SLC4A4: variants seen among roughly 807,000 people sequenced by gnomAD.
SLC4A4 encodes solute carrier family 4 member 4, also known as electrogenic sodium bicarbonate cotransporter 1.
Under a neutral mutation model 111.5 loss-of-function variants are expected in SLC4A4, and 27 were observed. That is an observed-to-expected ratio of 0.24 (90% confidence interval 0.18 to 0.33). The LOEUF (loss-of-function observed/expected upper bound fraction) is 0.33. Among genes scored for constraint, SLC4A4 ranks in the 10% least tolerant of loss-of-function variants. The pLI, the probability that SLC4A4 is intolerant of heterozygous loss-of-function variation, is 1.00. For synonymous variants in SLC4A4, 443 were observed against 463.4 expected, an observed-to-expected ratio of 0.96 and a Z score of 0.57; for missense variants, 909 against 1,315.5, an observed-to-expected ratio of 0.69 and a Z score of 4.78.
At chr4:71,152,948 T>C (rs948690762) in intron 2 of SLC4A4, among the ~76,000 whole-genome samples, 3 of 147,734 alleles carry the variant, frequency 2.0e-5, no homozygotes, top group African/African-American at 2.5e-5. Flanking sequence ...ATATATCCTA[T>C]ATATATGTGT....
chr4:71,463,507 G>C (rs1446651506), intron 12 of SLC4A4, among the ~76,000 whole-genome samples: 1 of 152,170 alleles, frequency 6.6e-6, no homozygotes, highest in African/African-American at 2.4e-5. Context: ...TTCCAGTGCA[G>C]TGTGTATAAT....
At chr4:71,230,918 G>A (rs930306624) in intron 1 of SLC4A4, among the ~76,000 whole-genome samples, 13 of 152,330 alleles carry the variant, frequency 8.5e-5, no homozygotes, top group African/African-American at 2.9e-4. Context: ...CTGCAATCCT[G>A]GGTGGCAGGG....
At chr4:71,379,005 C>G (rs1717820835) in intron 6 of SLC4A4, among the ~76,000 whole-genome samples, 1 of 152,148 alleles carries the variant, frequency 6.6e-6, no homozygotes, top group Non-Finnish European at 1.5e-5. Context: ...CCCACCCTTC[C>G]TTGACTATTA....
intron 18 of SLC4A4, among the ~76,000 whole-genome samples, chr4:71,541,413 A>G (rs1373054453): frequency 6.6e-6 from 1 of 152,122 alleles, no homozygotes; most frequent in Non-Finnish European, 1.5e-5. Context: ...CACTGAAAGG[A>G]GAGAATGGCT....
chr4:71,368,583 T>A (rs1471983969), intron 6 of SLC4A4, among the ~76,000 whole-genome samples: 1 of 152,194 alleles, frequency 6.6e-6, no homozygotes, highest in Admixed American at 6.5e-5. Flanking sequence ...GAGTAGGTCA[T>A]AAGAAAGCTG....
At chr4:71,220,798 C>G (rs568928351) in intron 1 of SLC4A4, among the ~76,000 whole-genome samples, 2 of 151,916 alleles carry the variant, frequency 1.3e-5, no homozygotes, top group African/African-American at 4.8e-5. Context: ...GTTTGTTGCA[C>G]GTATTATTTC....
intron 15 of SLC4A4, among the ~76,000 whole-genome samples, chr4:71,489,443 G>A (rs1386641894): frequency 1.3e-5 from 2 of 148,172 alleles, no homozygotes; most frequent in African/African-American, 5.1e-5. Context: ...CTGCAACATC[G>A]GGATGGTAAT....
chr4:71,342,271 C>A lies in SLC4A4; in HGVS notation c.389+2766C>A, dbSNP rs1327191774. ...TAAAGTAAAATTTTAGTTCCTAAAACATCCTCCAAAAGAAGGCTTCCAAAG... is the reference window on the plus strand; with the variant it reads ...TAAAGTAAAATTTTAGTTCCTAAAAAATCCTCCAAAAGAAGGCTTCCAAAG... On this transcript the variant is annotated intron_variant, in intron 4 of 25. Coordinates refer to ENST00000264485, the MANE Select transcript of SLC4A4 (RefSeq NM_001098484.3). Among the ~76,000 whole-genome samples the A allele has an allele frequency of 2.6e-5, 4 of 152,172 alleles. No homozygotes were observed. In the East Asian group the frequency reaches 7.7e-4, roughly 29 times the overall value.
At chr4:71,309,612 A>G (rs1397522561) in intron 3 of SLC4A4, among the ~76,000 whole-genome samples, 1 of 152,134 alleles carries the variant, frequency 6.6e-6, no homozygotes, top group East Asian at 1.9e-4. Flanking sequence ...AAAACTAACA[A>G]AACAAGAAGC....
At chr4:71,095,329 G>C (rs1157676386) in intron 2 of SLC4A4, among the ~76,000 whole-genome samples, 4 of 152,188 alleles carry the variant, frequency 2.6e-5, no homozygotes, top group African/African-American at 9.7e-5. Flanking sequence ...GCCCTGCAGG[G>C]TCTGCCAAGA....
chr4:71,514,083 A>G (rs1732165082), intron 16 of SLC4A4, among the ~76,000 whole-genome samples: 1 of 151,992 alleles, frequency 6.6e-6, no homozygotes, highest in Non-Finnish European at 1.5e-5. Flanking sequence ...AGAAGTATTG[A>G]CCTGTATTTG....
chr4:71,466,688 A>C, intron 13 of SLC4A4, 111 bp downstream of exon 13: 1 of 1,138,044 alleles, frequency 8.8e-7, no homozygotes, highest in Admixed American at 1.9e-5. Context: ...CACTCAGAAT[A>C]CTGGAATGTT....
Position 71,112,618 on chromosome 4 carries a change from C to A in SLC4A4, c.-2+19826C>A, listed in dbSNP as rs114008523. ...ACACCTTGGGCCTTTGTTATTTTGCCTCCAAAGGAAGTCAGTCTTGGGTCC... is the reference window on the plus strand; with the variant it reads ...ACACCTTGGGCCTTTGTTATTTTGCATCCAAAGGAAGTCAGTCTTGGGTCC... On this transcript the variant is annotated intron_variant, in intron 2 of 26. Coordinates refer to the SLC4A4 transcript ENST00000649996. 8.9e-3 allele frequency among the ~76,000 whole-genome samples: 1,357 copies of A among 152,264 alleles called. 15 individuals carry two copies. The highest frequency in any genetic ancestry group is 0.031 in the African/African-American group (1,289 of 41,548).
chr4:71,067,726 G>A (rs1212369827), intron 1 of SLC4A4, among the ~76,000 whole-genome samples: 1 of 151,982 alleles, frequency 6.6e-6, no homozygotes, highest in African/African-American at 2.4e-5. Context: ...TTGGGGTATA[G>A]TTTATATAAA....
At chr4:71,471,358 T>C (rs553611472) in intron 13 of SLC4A4, among the ~76,000 whole-genome samples, 1 of 151,992 alleles carries the variant, frequency 6.6e-6, no homozygotes, top group Admixed American at 6.6e-5. Context: ...ATTTTGGCTG[T>C]GGTGTGGAAA....
chr4:71,536,465 C>CATATATATCTATATAT (rs1734452174), intron 18 of SLC4A4, among the ~76,000 whole-genome samples: 5 of 40,706 alleles, frequency 1.2e-4, no homozygotes, highest in African/African-American at 4.0e-4. Context: ...TACATATATA[C>CATATATATCTATATAT]ATATATATAT....
At chr4:71,536,032 G>A (rs894301393) in intron 18 of SLC4A4, among the ~76,000 whole-genome samples, 4 of 152,038 alleles carry the variant, frequency 2.6e-5, no homozygotes, top group African/African-American at 4.8e-5. Context: ...CACTCCTGCC[G>A]TGAGTAGATA....
chr4:71,226,909 T>C (rs1476945852), intron 1 of SLC4A4, among the ~76,000 whole-genome samples: 1 of 152,072 alleles, frequency 6.6e-6, no homozygotes, highest in African/African-American at 2.4e-5. Flanking sequence ...GTTAGTAGAC[T>C]ATGTGTAGTG....
intron 7 of SLC4A4, among the ~76,000 whole-genome samples, chr4:71,403,680 G>C (rs1242380862): frequency 1.3e-5 from 2 of 152,150 alleles, no homozygotes; most frequent in East Asian, 1.9e-4. Context: ...AATGTAGCAG[G>C]TGTGCAGTGG....
Sources: gnomAD v4.1 joint callset for allele counts (sites outside exome capture counted in the v4.1 genomes callset) on GRCh38, gnomAD v4.1.1 for gene constraint, MANE v1.5 for transcripts, NCBI Gene and HGNC (gene_info 2026-07-23, HGNC 2026-07-21) for gene names.